The following SULF1 variants were observed in gnomAD, a reference collection of about 807,000 sequenced individuals.
SULF1 encodes the protein extracellular sulfatase Sulf-1.
SULF1 carries 46 observed loss-of-function variants against 110.5 expected under a neutral mutation model. The observed-to-expected ratio is 0.42, with a 90% CI of 0.33 to 0.53. The LOEUF (loss-of-function observed/expected upper bound fraction) is 0.53. Ranked by LOEUF, SULF1 falls within the 20% of genes least tolerant of loss-of-function variation. SULF1 has a pLI of 0.12. For synonymous variants in SULF1, 371 were observed against 387.1 expected (o/e 0.96, Z 0.49); for missense variants, 941 against 1,094.2 (o/e 0.86, Z 1.98).
At chr8:69,523,779 T>C (rs1812482598) in intron 3 of SULF1, among the ~76,000 whole-genome samples, 1 of 151,670 alleles carries the variant, frequency 6.6e-6, no homozygotes, top group African/African-American at 2.4e-5. Context: ...TGTCAAAGGA[T>C]TGTTGGGGTT....
intron 21 of SULF1, among the ~76,000 whole-genome samples, chr8:69,640,096 GGA>G (rs369857055): frequency 2.7e-5 from 4 of 147,108 alleles, no homozygotes; most frequent in South Asian, 2.2e-4. Context: ...AGGGAGGGAG[GGA>G]GAGAGAGAGA....
intron 1 of SULF1, among the ~76,000 whole-genome samples, chr8:69,479,353 G>C (rs374990017): frequency 2.0e-5 from 3 of 152,092 alleles, no homozygotes; most frequent in Admixed American, 6.6e-5. Context: ...ACTATCTGCC[G>C]CATAGCATAA....
Position 69,627,789 on chromosome 8 carries a change from T to G in SULF1, c.1965T>G (p.Asp655Glu). 1 of 1,611,456 alleles carries G rather than the reference T, an allele frequency of 6.2e-7. No individual in the cohort carries two copies. Among genetic ancestry groups the G allele is most frequent in the Non-Finnish European group, 8.5e-7 (1 of 1,178,810 alleles). Residue 655 changes from aspartate to glutamate, a missense_variant, in exon 17 of 23, where the codon GAT becomes GAG. By Grantham distance (45) the Asp-to-Glu change is conservative. Around this residue, in one of 3 missense-constraint regions of SULF1, gnomAD observed 822 missense variants for 934.3 expected, o/e 0.88. Transcript: ENST00000402687. ...TTTTCCAGATTGAAGCTCTGCAAGA[T>G]AAAATTAAGAATTTAAGAGAAGTGA... The part of the protein sequence containing the change: ...YIDKEIEALQ[D>E]KIKNLREVRG...
chr8:69,495,079 T>C (rs976359466), intron 1 of SULF1, among the ~76,000 whole-genome samples: 3 of 152,148 alleles, frequency 2.0e-5, no homozygotes, highest in Admixed American at 1.3e-4. Flanking sequence ...CCTGGGCTAC[T>C]GGGTAGTTGT....
intron 3 of SULF1, among the ~76,000 whole-genome samples, chr8:69,503,960 T>C (rs1451423397): frequency 6.6e-6 from 1 of 151,854 alleles, no homozygotes; most frequent in Non-Finnish European, 1.5e-5. Flanking sequence ...CCACCACGCC[T>C]GGTTAATTTT....
intron 15 of SULF1, 76 bp downstream of exon 15, chr8:69,624,273 C>T: frequency 6.6e-7 from 1 of 1,506,648 alleles, no homozygotes; most frequent in South Asian, 1.4e-5. Context: ...CACCATTTTG[C>T]ACTTGGCAAA....
intron 22 of SULF1, among the ~76,000 whole-genome samples, chr8:69,646,636 C>A (rs1316173522): frequency 6.6e-6 from 1 of 152,062 alleles, no homozygotes; most frequent in African/African-American, 2.4e-5. Context: ...CACAGAGTGA[C>A]TAAATAACTT....
At chr8:69,640,132 AAGG>A (rs1811353399) in intron 21 of SULF1, among the ~76,000 whole-genome samples, 2 of 148,228 alleles carry the variant, frequency 1.3e-5, no homozygotes, top group African/African-American at 5.1e-5. Context: ...AGGAAGGAAG[AAGG>A]AAGGAAGGAA....
At chr8:69,583,247 G>A (rs1242603953) in intron 6 of SULF1, among the ~76,000 whole-genome samples, 1 of 152,060 alleles carries the variant, frequency 6.6e-6, no homozygotes, top group Admixed American at 6.5e-5. Flanking sequence ...AAAATGTTTT[G>A]AAGGCCAAAT....
At chr8:69,533,886 T>C (rs1442544427) in intron 3 of SULF1, among the ~76,000 whole-genome samples, 1 of 152,154 alleles carries the variant, frequency 6.6e-6, no homozygotes, top group African/African-American at 2.4e-5. Context: ...ATCAAAGACT[T>C]GTAGAGAATA....
chr8:69,601,031 A>T (rs1807761966), intron 9 of SULF1, among the ~76,000 whole-genome samples: 1 of 62,072 alleles, frequency 1.6e-5, no homozygotes, highest in African/African-American at 9.2e-5. Context: ...CTCAAAGGCA[A>T]TAAAGAATTG....
At chr8:69,535,273 A>G (rs953614877) in intron 3 of SULF1, among the ~76,000 whole-genome samples, 13 of 152,194 alleles carry the variant, frequency 8.5e-5, no homozygotes, top group Non-Finnish European at 1.9e-4. Flanking sequence ...GCCTGAAGTC[A>G]ATAGACAACA....
intron 13 of SULF1, among the ~76,000 whole-genome samples, chr8:69,610,113 G>A (rs1245075614): frequency 6.6e-6 from 1 of 152,170 alleles, no homozygotes; most frequent in Non-Finnish European, 1.5e-5. Context: ...ATGAGTTGTT[G>A]AATTCCAGCA....
At chr8:69,523,594 A>C (rs1423614181) in intron 3 of SULF1, among the ~76,000 whole-genome samples, 1 of 152,076 alleles carries the variant, frequency 6.6e-6, no homozygotes, top group Non-Finnish European at 1.5e-5. Flanking sequence ...TGGGGAAACC[A>C]AGCAAGGATG....
At chr8:69,494,229 G>A (rs993740611) in intron 1 of SULF1, among the ~76,000 whole-genome samples, 3 of 152,210 alleles carry the variant, frequency 2.0e-5, no homozygotes, top group African/African-American at 4.8e-5. Flanking sequence ...ATGAATAGAT[G>A]TGAAAACCAT....
intron 21 of SULF1, among the ~76,000 whole-genome samples, chr8:69,640,128 G>GA (rs1563621054): frequency 0.01 from 1,542 of 147,854 alleles, 30 homozygotes; most frequent in African/African-American, 0.037. Context: ...AGAAAGGAAG[G>GA]AAGAAGGAAG....
chr8:69,522,123 T>A (rs1429399621), intron 3 of SULF1, among the ~76,000 whole-genome samples: 1 of 151,814 alleles, frequency 6.6e-6, no homozygotes, highest in Admixed American at 6.6e-5. Context: ...TGATCTCAGC[T>A]CACTGCAACC....
chr8:69,646,301 T>G (rs1586629294), intron 22 of SULF1, among the ~76,000 whole-genome samples: 1 of 152,310 alleles, frequency 6.6e-6, no homozygotes, highest in Middle Eastern at 3.4e-3. Context: ...ACTTCCCAAT[T>G]TGAGGACCAG....
At chr8:69,477,711 T>C (rs1796160495) in intron 1 of SULF1, among the ~76,000 whole-genome samples, 1 of 152,160 alleles carries the variant, frequency 6.6e-6, no homozygotes, top group Non-Finnish European at 1.5e-5. Flanking sequence ...AATAGTGTGA[T>C]TTTGAGCAAA....
Sources: allele counts gnomAD v4.1 joint callset (sites outside exome capture counted in the v4.1 genomes callset), GRCh38; gene constraint gnomAD v4.1.1; regional missense constraint gnomAD v4.1.1; transcripts MANE v1.5; gene names NCBI Gene and HGNC (gene_info 2026-07-23, HGNC 2026-07-21).